DIP2C: variants seen among roughly 807,000 people sequenced by gnomAD.
The protein encoded by DIP2C is disco-interacting protein 2 homolog C.
A neutral mutation model predicts 192.4 loss-of-function variants in DIP2C; 33 were observed. The ratio of observed to expected loss-of-function variants is 0.17; its 90% confidence interval spans 0.13 to 0.23. The LOEUF is 0.23. Among genes scored for constraint, DIP2C ranks in the 10% least tolerant of loss-of-function variants. The probability of loss-of-function intolerance (pLI) is 1.00; values close to 1 mark genes in which losing one functional copy is unlikely to be tolerated. For missense variants in DIP2C, 1,537 were observed against 2,110.1 expected, an observed-to-expected ratio of 0.73 and a Z score of 5.32; for synonymous variants, 979 against 864.1, an observed-to-expected ratio of 1.13 and a Z score of -2.33.
intron 1 of DIP2C, among the ~76,000 whole-genome samples, chr10:597,816 A>C (rs899932315): frequency 6.6e-6 from 1 of 152,154 alleles, no homozygotes. Context: ...ACGAGGACAC[A>C]GCTTACACCC....
At position 345,014 on chromosome 10, in the gene DIP2C, G is replaced by A. The variant is rs200060795; in HGVS notation, c.3328C>T (p.Leu1110Phe). Residue 1110 changes from leucine (L) to phenylalanine (F), a missense_variant, in exon 27 of 37, where the codon CTC becomes TTC. By Grantham distance (22) the Leu-to-Phe change is conservative (BLOSUM62 0). Around this residue, in one of 4 missense-constraint regions of DIP2C, gnomAD observed 677 missense variants for 989.9 expected, o/e 0.68. Transcript: ENST00000280886. ...AAGCACCAACCTGTGTCCAGGATGAGGGGCCACGTCCTGACGTCCACAGCC... is the reference window on the plus strand; with the variant it reads ...AAGCACCAACCTGTGTCCAGGATGAAGGGCCACGTCCTGACGTCCACAGCC... The part of the protein sequence containing the change: ...AAAVDVRTWP[L>F]ILDTDDLPKK... 280 of 1,612,850 alleles carry A rather than the reference G, an allele frequency of 1.7e-4. No individual in the cohort carries two copies. Among genetic ancestry groups the A allele is most frequent in the Non-Finnish European group, 2.3e-4 (267 of 1,179,756 alleles).
intron 8 of DIP2C, 114 bp downstream of exon 8, chr10:413,799 G>T (rs1402951856): frequency 1.4e-5 from 19 of 1,324,884 alleles, no homozygotes; most frequent in Non-Finnish European, 1.7e-5. Flanking sequence ...AAGGGCAGAG[G>T]GTTAGCCTCG....
At chr10:511,825 A>G (rs1009862013) in intron 1 of DIP2C, among the ~76,000 whole-genome samples, 1 of 152,262 alleles carries the variant, frequency 6.6e-6, no homozygotes, top group Non-Finnish European at 1.5e-5. Context: ...GGACTTCATT[A>G]TTAGTTTTTC....
At chr10:464,018 G>A (rs143308155) in intron 3 of DIP2C, among the ~76,000 whole-genome samples, 99 of 152,240 alleles carry the variant, frequency 6.5e-4, no homozygotes, top group South Asian at 2.7e-3. Flanking sequence ...AAACTTAAAC[G>A]TAAGACGTAA....
intron 31 of DIP2C, among the ~76,000 whole-genome samples, chr10:320,584 G>C (rs1187933803): frequency 6.6e-6 from 1 of 152,082 alleles, no homozygotes; most frequent in Non-Finnish European, 1.5e-5. Flanking sequence ...GTGATGATGT[G>C]AGATGGCACT....
intron 1 of DIP2C, among the ~76,000 whole-genome samples, chr10:529,785 G>A (rs1847262102): frequency 6.6e-6 from 1 of 151,668 alleles, no homozygotes; most frequent in African/African-American, 2.4e-5. Context: ...GGTTTAGCTT[G>A]CTTTTATTTT....
chr10:574,029 A>G lies in DIP2C; in HGVS notation c.86-87499T>C, dbSNP rs561232820. On this transcript the variant is annotated intron_variant, in intron 1 of 36. Coordinates refer to ENST00000280886, the MANE Select transcript of DIP2C (RefSeq NM_014974.3). ...AACACTTTATTCTGTCTTCTACTCA[A>G]ATTAAGTATCTTGCAAGGGAGTTGA... Among the ~76,000 whole-genome samples, 12 of 152,304 alleles carry G rather than the reference A, an allele frequency of 7.9e-5. No individual in the cohort carries two copies. The South Asian group carries it at 2.5e-3, about 32-fold the overall frequency.
At chr10:538,120 G>GTT (rs1294898040) in intron 1 of DIP2C, among the ~76,000 whole-genome samples, 1 of 152,040 alleles carries the variant, frequency 6.6e-6, no homozygotes, top group Non-Finnish European at 1.5e-5. Context: ...TAAGCTTTTT[G>GTT]TTTCTAGACT....
chr10:619,082 G>A (rs896361766), intron 1 of DIP2C, among the ~76,000 whole-genome samples: 2 of 152,158 alleles, frequency 1.3e-5, no homozygotes, highest in African/African-American at 4.8e-5. Context: ...GTGGCAGGCG[G>A]ACATACCTTC....
At chr10:454,734 T>A (rs1480515111) in intron 3 of DIP2C, among the ~76,000 whole-genome samples, 1 of 151,598 alleles carries the variant, frequency 6.6e-6, no homozygotes, top group South Asian at 2.1e-4. Context: ...GAGAAAGAGG[T>A]AGTATACAAA....
chr10:675,982 T>A (rs1179198105), intron 1 of DIP2C, among the ~76,000 whole-genome samples: 2 of 152,138 alleles, frequency 1.3e-5, no homozygotes, highest in African/African-American at 4.8e-5. Context: ...TAGGTCAATA[T>A]CCCTGATGAA....
intron 1 of DIP2C, among the ~76,000 whole-genome samples, chr10:625,519 C>T (rs1379623535): frequency 1.3e-5 from 2 of 152,160 alleles, no homozygotes; most frequent in Non-Finnish European, 2.9e-5. Context: ...GGAGCCTGCC[C>T]TGTGGCCTCG....
At chr10:398,575 G>A (rs370097682) in intron 10 of DIP2C, among the ~76,000 whole-genome samples, 1 of 152,286 alleles carries the variant, frequency 6.6e-6, no homozygotes, top group East Asian at 1.9e-4. Context: ...GCATGGCCAC[G>A]TCCTCAACCT....
chr10:611,043 G>C lies in DIP2C; in HGVS notation c.85+78451C>G, dbSNP rs529679021. Among the ~76,000 whole-genome samples, 4 of 151,098 alleles carry C rather than the reference G, an allele frequency of 2.6e-5. No individual in the cohort carries two copies. The East Asian group carries it at 7.9e-4, about 30-fold the overall frequency. Reference sequence around the variant, plus strand: ...CCCTGGTGGGAGGTGACTGACTCACGGGGGTGCTTTCTAACACCCAGTGTT... The same window carrying C: ...CCCTGGTGGGAGGTGACTGACTCACCGGGGTGCTTTCTAACACCCAGTGTT... On this transcript the variant is annotated intron_variant, in intron 1 of 36. Coordinates refer to ENST00000280886, the MANE Select transcript of DIP2C (RefSeq NM_014974.3).
intron 2 of DIP2C, among the ~76,000 whole-genome samples, chr10:483,473 A>T (rs1192303127): frequency 2.0e-5 from 3 of 152,336 alleles, no homozygotes; most frequent in Non-Finnish European, 4.4e-5. Context: ...TCGGCAGGGA[A>T]ACAGCCTCGC....
intron 1 of DIP2C, among the ~76,000 whole-genome samples, chr10:546,256 T>G (rs1848278214): frequency 7.1e-6 from 1 of 139,928 alleles, no homozygotes. Context: ...CACTCCAGCC[T>G]GGGTGACAGA....
Position 670,130 on chromosome 10 carries a change from A to G in DIP2C, c.85+19364T>C, listed in dbSNP as rs373575115. On this transcript the variant is annotated intron_variant, in intron 1 of 36. Coordinates refer to ENST00000280886, the MANE Select transcript of DIP2C (RefSeq NM_014974.3). ...CACGTGTACATATGCTCATACATGT[A>G]CACGCATACACGTGTACACATATGC... Among the ~76,000 whole-genome samples the G allele has an allele frequency of 2.6e-5, 4 of 152,172 alleles. No homozygotes were observed. In the East Asian group the frequency reaches 7.7e-4, roughly 29 times the overall value.
chr10:392,215 G>A (rs1220831784), intron 10 of DIP2C, among the ~76,000 whole-genome samples: 2 of 152,182 alleles, frequency 1.3e-5, no homozygotes, highest in Admixed American at 1.3e-4. Context: ...GCAGAGGTGG[G>A]GCGACATCAG....
rs75830839 is a variant in DIP2C, at chr10:286,072, G to A, written c.4119+201C>T. Reference sequence around the variant, plus strand: ...ATCTATTATACTTCCCTAAGGAAGTGCCATTTTGTAATTGTGAGCTTTCAT... The same window carrying A: ...ATCTATTATACTTCCCTAAGGAAGTACCATTTTGTAATTGTGAGCTTTCAT... On this transcript the variant is annotated intron_variant, in intron 34 of 36. Coordinates refer to ENST00000280886, the MANE Select transcript of DIP2C (RefSeq NM_014974.3). Among the ~76,000 whole-genome samples, 956 of 152,332 alleles carry A rather than the reference G, an allele frequency of 6.3e-3. 8 individuals carry two copies. Among genetic ancestry groups the A allele is most frequent in the South Asian group, 0.019 (93 of 4,810 alleles).
Sources: allele counts gnomAD v4.1 joint callset (sites outside exome capture counted in the v4.1 genomes callset), GRCh38; gene constraint gnomAD v4.1.1; regional missense constraint gnomAD v4.1.1; transcripts MANE v1.5; gene names NCBI Gene and HGNC (gene_info 2026-07-23, HGNC 2026-07-21).